Variants in USP9X observed in about 807,000 individuals in gnomAD.
USP9X encodes ubiquitin specific peptidase 9 X-linked, also known as ubiquitin carboxyl-terminal hydrolase 9X.
USP9X carries 7 observed loss-of-function variants against 190.3 expected under a neutral mutation model. That is an observed-to-expected ratio of 0.04 (90% confidence interval 0.02 to 0.07). The LOEUF (loss-of-function observed/expected upper bound fraction) is 0.07, where lower values mean the gene tolerates loss of function less well. Ranked by LOEUF, USP9X falls within the 10% of genes least tolerant of loss-of-function variation. The pLI, the probability that USP9X is intolerant of heterozygous loss-of-function variation, is 1.00. For missense variants in USP9X, 1,010 were observed against 1,916.9 expected, an observed-to-expected ratio of 0.53 and a Z score of 8.83; for synonymous variants, 645 against 659.5, an observed-to-expected ratio of 0.98 and a Z score of 0.34.
In USP9X at chrX:41,217,349, T is replaced by G. The variant is rs200697679; in HGVS notation, c.6209+6T>G. ...CGTGGCTCTGCCAGTGATTGGTACA[T>G]TGCTTTGGATTTTCATTCCTATTAT... is the stretch of plus-strand genomic sequence containing the variant. On this transcript the variant is annotated splice_donor_region_variant and intron_variant, in intron 36 of 44. Transcript: ENST00000378308. 435 of 1,195,304 alleles carry G rather than the reference T, an allele frequency of 3.6e-4. 1 individual carries two copies. Among genetic ancestry groups the G allele is most frequent in the Non-Finnish European group, 2.0e-4 (174 of 890,010 alleles).
chrX:41,217,509 C>G (rs906321708), intron 36 of USP9X, among the ~76,000 whole-genome samples, 166 bp downstream of exon 36: 2 of 112,187 alleles, frequency 1.8e-5, no homozygotes, highest in Non-Finnish European at 3.8e-5. Flanking sequence ...GTTACTTAGT[C>G]TAAACATGGC....
chrX:41,105,147 A>G (rs1215611449), intron 1 of USP9X, among the ~76,000 whole-genome samples: 2 of 111,578 alleles, frequency 1.8e-5, no homozygotes, highest in East Asian at 5.6e-4. Context: ...GCTAAGATGC[A>G]TAAATATCAG....
intron 30 of USP9X, among the ~76,000 whole-genome samples, chrX:41,199,434 G>A (rs1256005381): frequency 9.0e-6 from 1 of 110,666 alleles, no homozygotes; most frequent in Non-Finnish European, 1.9e-5. Flanking sequence ...TTGAGACGGA[G>A]TTTCACTCTT....
chrX:41,199,443 T>C (rs2063020826), intron 30 of USP9X, among the ~76,000 whole-genome samples: 1 of 110,857 alleles, frequency 9.0e-6, no homozygotes, highest in Non-Finnish European at 1.9e-5. Context: ...AGTTTCACTC[T>C]TGTTGCCCAG....
At position 41,085,909 on chromosome X, in the gene USP9X, G is replaced by C. The variant is rs1022743838; in HGVS notation, c.-359G>C. Reference sequence around the variant, plus strand: ...GCGGGCGCGGCGAGGAGCGAGTTCCGGCGCCGGTGTGCAGCCTTTTGGTTG... The same window carrying C: ...GCGGGCGCGGCGAGGAGCGAGTTCCCGCGCCGGTGTGCAGCCTTTTGGTTG... On this transcript the variant is annotated 5_prime_UTR_variant, in exon 1 of 45. Coordinates refer to ENST00000378308, the MANE Select transcript of USP9X (RefSeq NM_001039591.3). 6.7e-6 allele frequency: 2 copies of C among 296,935 alleles called. No individual in the cohort carries two copies. The highest frequency in any genetic ancestry group is 4.8e-5 in the East Asian group (1 of 20,939). 24.5% of individuals were successfully genotyped at this position (296,935 alleles called of 1,213,427 possible).
Position 41,085,988 on chromosome X carries a change from C to T in USP9X, c.-280C>T. 1 of 297,820 alleles carries T rather than the reference C, an allele frequency of 3.4e-6. No individual in the cohort carries two copies. Among genetic ancestry groups the T allele is most frequent in the Non-Finnish European group, 5.9e-6 (1 of 170,395 alleles). The allele number at this position is 297,820 out of a possible 1,213,427, so 24.5% of individuals were successfully genotyped here. ...CGCAGCCTTTCGATACACTTTGTTGCCGGTCACCCCCGGGCCTGGGATGCA... is the reference window on the plus strand; with the variant it reads ...CGCAGCCTTTCGATACACTTTGTTGTCGGTCACCCCCGGGCCTGGGATGCA... On this transcript the variant is annotated 5_prime_UTR_variant, in exon 1 of 45. Coordinates refer to ENST00000378308, the MANE Select transcript of USP9X (RefSeq NM_001039591.3).
In USP9X at chrX:41,134,635, G is replaced by T. The variant is rs2062355484; in HGVS notation, c.323-90G>T. On this transcript the variant is annotated intron_variant, in intron 4 of 44. Coordinates refer to ENST00000378308, the MANE Select transcript of USP9X (RefSeq NM_001039591.3). Reference sequence around the variant, plus strand: ...TTGTTAGCTGTCGGTGAAGTTTCCAGTTATTTATTACCTTTTATTGTATAT... The same window carrying T: ...TTGTTAGCTGTCGGTGAAGTTTCCATTTATTTATTACCTTTTATTGTATAT... 5 of 741,454 alleles carry T rather than the reference G, an allele frequency of 6.7e-6. No homozygotes were observed. The East Asian group carries it at 1.7e-4, about 25-fold the overall frequency. 61.1% of individuals were successfully genotyped at this position (741,454 alleles called of 1,213,427 possible).
intron 34 of USP9X, among the ~76,000 whole-genome samples, chrX:41,215,002 C>T (rs2063199539): frequency 8.9e-6 from 1 of 111,956 alleles, no homozygotes. Flanking sequence ...AGACACTTTC[C>T]ATCTCTACCG....
At chrX:41,216,751 G>T in intron 35 of USP9X, 99 bp downstream of exon 35, 1 of 976,015 alleles carries the variant, frequency 1.0e-6, no homozygotes, top group Non-Finnish European at 1.4e-6. Context: ...CACTTTAAAT[G>T]AGTCTAATTT....
intron 1 of USP9X, among the ~76,000 whole-genome samples, chrX:41,113,780 A>G (rs2062126552): frequency 9.0e-6 from 1 of 111,671 alleles, no homozygotes; most frequent in Admixed American, 9.5e-5. Context: ...AAATACTGAA[A>G]AAATTAAGAA....
chrX:41,107,496 G>GTC (rs1488059754), intron 1 of USP9X, among the ~76,000 whole-genome samples: 1 of 112,264 alleles, frequency 8.9e-6, no homozygotes, highest in Non-Finnish European at 1.9e-5. Context: ...AGTTGATGAT[G>GTC]TTTCTCAGTC....
intron 1 of USP9X, among the ~76,000 whole-genome samples, chrX:41,100,752 T>C (rs1876816848): frequency 1.8e-5 from 2 of 111,270 alleles, no homozygotes; most frequent in African/African-American, 6.5e-5. Context: ...GTTCAAGCAA[T>C]TCTCCTACCT....
chrX:41,202,815 C>T (rs2063054786), intron 31 of USP9X, among the ~76,000 whole-genome samples: 1 of 111,950 alleles, frequency 8.9e-6, no homozygotes, highest in African/African-American at 3.2e-5. Flanking sequence ...ATTGTACTGG[C>T]AAGAAGTAAA....
chrX:41,185,680 G>A (rs2062867464), intron 23 of USP9X, among the ~76,000 whole-genome samples: 1 of 109,496 alleles, frequency 9.1e-6, no homozygotes, highest in Admixed American at 9.8e-5. Flanking sequence ...GTTCTTATTA[G>A]GTAAGTAAAA....
intron 21 of USP9X, among the ~76,000 whole-genome samples, chrX:41,177,743 A>T (rs778764210): frequency 3.6e-5 from 4 of 111,976 alleles, no homozygotes; most frequent in Non-Finnish European, 7.5e-5. Context: ...TACATTTATT[A>T]GTTGACATTC....
At chrX:41,198,774 A>G (rs1602025015) in intron 30 of USP9X, 24 bp downstream of exon 30, 2 of 1,108,671 alleles carry the variant, frequency 1.8e-6, no homozygotes, top group Non-Finnish European at 2.5e-6. Context: ...ATAGAATGTG[A>G]TAATTGATCA....
chrX:41,214,763 A>G, intron 34 of USP9X, 54 bp downstream of exon 34: 1 of 1,138,524 alleles, frequency 8.8e-7, no homozygotes, highest in Non-Finnish European at 1.2e-6. Flanking sequence ...GATTTAGAAG[A>G]AATTGGTTTT....
At chrX:41,200,216 AT>A (rs11322533) in intron 30 of USP9X, among the ~76,000 whole-genome samples, 44,507 of 107,478 alleles carry the variant, frequency 0.41, 6,951 homozygotes, top group East Asian at 0.52. Flanking sequence ...GAATTCTTGT[AT>A]TTTTTTTTTA....
At chrX:41,167,007 A>G in intron 16 of USP9X, 1 of 115,016 alleles carries the variant, frequency 8.7e-6, no homozygotes, top group East Asian at 2.8e-4. Flanking sequence ...TATAGGGGCC[A>G]ACACTGAAAC....
Sources: allele counts gnomAD v4.1 joint callset (sites outside exome capture counted in the v4.1 genomes callset), GRCh38; gene constraint gnomAD v4.1.1; transcripts MANE v1.5; gene names NCBI Gene and HGNC (gene_info 2026-07-23, HGNC 2026-07-21).